The following TENM3 variants were observed in gnomAD, a reference collection of about 807,000 sequenced individuals.
TENM3 encodes the protein teneurin transmembrane protein 3, also known as teneurin-3.
TENM3 carries 63 observed loss-of-function variants against 255.1 expected under a neutral mutation model. That is an observed-to-expected ratio of 0.25 (90% CI 0.20 to 0.30). TENM3 has a LOEUF of 0.30. Ranked by LOEUF, TENM3 falls within the 10% of genes least tolerant of loss-of-function variation. The pLI is 1.00. For missense variants in TENM3, 2,929 were observed against 3,461.1 expected (o/e 0.85, Z 3.86); for synonymous variants, 1,306 against 1,322.3 (o/e 0.99, Z 0.27).
chr4:182,027,283 G>A, the TENM3 span, among the ~76,000 whole-genome samples: 11 of 152,118 alleles, frequency 7.2e-5, no homozygotes, highest in South Asian at 6.2e-4. Context: ...ATTGCTCACC[G>A]TTGGCATATA....
intron 3 of TENM3, among the ~76,000 whole-genome samples, chr4:182,470,354 C>T (rs1028448520): frequency 6.6e-6 from 1 of 152,174 alleles, no homozygotes; most frequent in Non-Finnish European, 1.5e-5. Context: ...GTAATCCATA[C>T]ATTCTATTTA....
At chr4:181,706,369 G>A in the TENM3 span, among the ~76,000 whole-genome samples, 1 of 152,260 alleles carries the variant, frequency 6.6e-6, no homozygotes, top group South Asian at 2.1e-4. Context: ...AATATGCGGG[G>A]ATGGGGAGTG....
chr4:182,410,186 A>G (rs947078360), intron 3 of TENM3, among the ~76,000 whole-genome samples: 1 of 152,234 alleles, frequency 6.6e-6, no homozygotes, highest in East Asian at 1.9e-4. Flanking sequence ...AATCCCTGCT[A>G]TGTCTAATAC....
At chr4:182,072,041 T>C in the TENM3 span, among the ~76,000 whole-genome samples, 46 of 152,360 alleles carry the variant, frequency 3.0e-4, 1 homozygote, top group South Asian at 8.7e-3. Context: ...TCAGTAAAAA[T>C]GACAGATAAT....
the TENM3 span, among the ~76,000 whole-genome samples, chr4:181,971,004 G>A: frequency 7.2e-5 from 11 of 152,080 alleles, no homozygotes; most frequent in Admixed American, 6.6e-4. Flanking sequence ...CTGGAGTGCA[G>A]TGGTGCGATC....
At chr4:181,920,895 T>G in the TENM3 span, among the ~76,000 whole-genome samples, 1 of 152,230 alleles carries the variant, frequency 6.6e-6, no homozygotes, top group East Asian at 1.9e-4. Flanking sequence ...TAATCCGTCT[T>G]GAATTGATTT....
intron 3 of TENM3, among the ~76,000 whole-genome samples, chr4:182,580,954 CAA>C (rs1457639789): frequency 6.6e-6 from 1 of 152,104 alleles, no homozygotes; most frequent in Non-Finnish European, 1.5e-5. Flanking sequence ...CATTTAAGTA[CAA>C]CTGTCACTTG....
intron 5 of TENM3, among the ~76,000 whole-genome samples, chr4:182,646,918 G>A (rs149629310): frequency 6.6e-6 from 1 of 152,246 alleles, no homozygotes; most frequent in East Asian, 1.9e-4. Context: ...GTAAAGGGAA[G>A]GAGAGAAATT....
At chr4:182,039,894 C>T in the TENM3 span, among the ~76,000 whole-genome samples, 72 of 135,894 alleles carry the variant, frequency 5.3e-4, no homozygotes, top group Non-Finnish European at 1.0e-3. Context: ...GAAATGGAAA[C>T]GAAAGGAGAG....
At chr4:181,962,874 G>T in the TENM3 span, among the ~76,000 whole-genome samples, 10 of 152,068 alleles carry the variant, frequency 6.6e-5, no homozygotes, top group Non-Finnish European at 1.3e-4. Flanking sequence ...TTAAATAAAT[G>T]GTACGTAAAA....
intron 1 of TENM3, among the ~76,000 whole-genome samples, chr4:182,197,306 G>A (rs920247730): frequency 6.6e-6 from 1 of 152,136 alleles, no homozygotes; most frequent in African/African-American, 2.4e-5. Context: ...ATCTTCTATA[G>A]CAGTAGGTTG....
the TENM3 span, among the ~76,000 whole-genome samples, chr4:182,072,618 C>T: frequency 9.2e-5 from 14 of 152,030 alleles, no homozygotes; most frequent in Non-Finnish European, 5.9e-5. Context: ...CATAGTAAAC[C>T]TCAAAGTTAT....
chr4:182,287,920 TTTTG>T (rs1358660003), intron 1 of TENM3, among the ~76,000 whole-genome samples: 12 of 150,558 alleles, frequency 8.0e-5, no homozygotes, highest in African/African-American at 2.7e-4. Flanking sequence ...CCTGGCATAT[TTTTG>T]TTTGTTTGTT....
chr4:181,460,696 G>C, the TENM3 span, among the ~76,000 whole-genome samples: 4 of 81,486 alleles, frequency 4.9e-5, no homozygotes, highest in African/African-American at 1.7e-4. Context: ...TTTTTTTCAT[G>C]GTTGCTCATG....
Position 182,713,619 on chromosome 4 carries a change from C to T in TENM3, c.2222-468C>T, listed in dbSNP as rs1758924282. On this transcript the variant is annotated intron_variant, in intron 12 of 27. Coordinates refer to ENST00000511685, the MANE Select transcript of TENM3 (RefSeq NM_001080477.4). ...GACATCATTCATATCCTCATACCCA[C>T]TTTCATGCTTTTGGAGTTTGAGGGA... 2.0e-5 allele frequency among the ~76,000 whole-genome samples: 3 copies of T among 152,184 alleles called. No individual in the cohort carries two copies. The South Asian group carries it at 6.2e-4, about 32-fold the overall frequency.
chr4:182,615,294 A>G (rs1174895233), intron 4 of TENM3, among the ~76,000 whole-genome samples: 1 of 142,554 alleles, frequency 7.0e-6, no homozygotes, highest in African/African-American at 2.4e-5. Flanking sequence ...AAAAAAGAAT[A>G]TATAAAAACT....
intron 1 of TENM3, among the ~76,000 whole-genome samples, chr4:182,246,723 C>A (rs1317112923): frequency 1.3e-5 from 2 of 152,208 alleles, no homozygotes; most frequent in East Asian, 3.8e-4. Context: ...TGAATCATGC[C>A]ATGTAGGTTC....
At chr4:181,879,795 A>G in the TENM3 span, among the ~76,000 whole-genome samples, 38 of 152,296 alleles carry the variant, frequency 2.5e-4, no homozygotes, top group Non-Finnish European at 4.9e-4. Flanking sequence ...ATTAGTAGAC[A>G]CACTTGTGGC....
At chr4:181,941,240 CCA>C in the TENM3 span, among the ~76,000 whole-genome samples, 1 of 152,038 alleles carries the variant, frequency 6.6e-6, no homozygotes, top group Non-Finnish European at 1.5e-5. Flanking sequence ...TCAGAAATAC[CCA>C]CAGTCCTTAT....
Sources: gnomAD v4.1 joint callset for allele counts (sites outside exome capture counted in the v4.1 genomes callset) on GRCh38, gnomAD v4.1.1 for gene constraint, MANE v1.5 for transcripts, NCBI Gene and HGNC (gene_info 2026-07-23, HGNC 2026-07-21) for gene names.